The following ALK variants were observed in gnomAD, a reference collection of about 807,000 sequenced individuals.
ALK encodes ALK receptor tyrosine kinase, also known as ALK tyrosine kinase receptor.
Under a neutral mutation model 163.1 loss-of-function variants are expected in ALK, and 74 were observed. The observed-to-expected ratio is 0.45, with a 90% CI of 0.38 to 0.55. The LOEUF is 0.55. ALK is among the 20% of genes least tolerant of loss of function. The pLI, the probability that ALK is intolerant of heterozygous loss-of-function variation, is 0.00. For synonymous variants in ALK, 960 were observed against 843.2 expected (o/e 1.14, Z -2.40); for missense variants, 2,063 against 2,105.3 (o/e 0.98, Z 0.39).
chr2:29,844,301 G>A (rs373865724), intron 1 of ALK, among the ~76,000 whole-genome samples: 1 of 152,168 alleles, frequency 6.6e-6, no homozygotes, highest in African/African-American at 2.4e-5. Flanking sequence ...AGCAGATGGG[G>A]GCAGAGAGAA....
rs35306598 is a variant in ALK, at chr2:29,494,843, CGTGTGTGTGTGT to C, written c.1154+37060_1154+37071del. 3.2e-3 allele frequency among the ~76,000 whole-genome samples: 467 copies of C among 147,320 alleles called. 4 individuals carry two copies. Among genetic ancestry groups the C allele is most frequent in the African/African-American group, 9.9e-3 (393 of 39,780 alleles). The stretch of plus-strand genomic sequence containing the variant: ...AGAAGCTCAAAGCTCTTTAGAGACT[CGTGTGTGTGTGT>C]GTGTGTGTGTGTGTGTGTGTGCATG... On this transcript the variant is annotated intron_variant, in intron 4 of 28. Coordinates refer to ENST00000389048, the MANE Select transcript of ALK (RefSeq NM_004304.5).
chr2:29,848,575 G>A (rs1415606598), intron 1 of ALK, among the ~76,000 whole-genome samples: 1 of 152,090 alleles, frequency 6.6e-6, no homozygotes, highest in Non-Finnish European at 1.5e-5. Flanking sequence ...AAATGTTAAT[G>A]AATTTGTGTA....
chr2:29,295,515 G>T (rs1371934207), intron 9 of ALK, among the ~76,000 whole-genome samples: 1 of 152,080 alleles, frequency 6.6e-6, no homozygotes, highest in African/African-American at 2.4e-5. Context: ...TTTGTCCTGG[G>T]GTCACTGATC....
chr2:29,566,092 A>C lies in ALK; in HGVS notation c.953-33976T>G, dbSNP rs1573461043. Among the ~76,000 whole-genome samples the C allele has an allele frequency of 3.3e-5, 5 of 152,196 alleles. No homozygotes were observed. In the South Asian group the frequency reaches 1.0e-3, roughly 31 times the overall value. On this transcript the variant is annotated intron_variant, in intron 3 of 28. Coordinates refer to ENST00000389048, the MANE Select transcript of ALK (RefSeq NM_004304.5). The stretch of plus-strand genomic sequence containing the variant: ...AACTTACAGGGACAAAAGCCGGGAC[A>C]GGATGCCATGTGAAGTTTGGAGCCA...
intron 8 of ALK, 41 bp downstream of exon 8, chr2:29,318,262 TG>T: frequency 6.6e-7 from 1 of 1,504,002 alleles, no homozygotes; most frequent in Non-Finnish European, 9.3e-7. Context: ...TGACAAGAGG[TG>T]GGAGGAGAAA....
chr2:29,324,312 G>A (rs530343470), intron 6 of ALK, among the ~76,000 whole-genome samples: 18 of 152,248 alleles, frequency 1.2e-4, no homozygotes, highest in East Asian at 7.7e-4. Context: ...TCCTTCCTGC[G>A]TGACAACTCT....
At chr2:29,612,377 T>C (rs558797961) in intron 3 of ALK, among the ~76,000 whole-genome samples, 2 of 152,274 alleles carry the variant, frequency 1.3e-5, no homozygotes, top group South Asian at 4.2e-4. Flanking sequence ...TAGGTTGCAT[T>C]TTACTCTGCT....
intron 1 of ALK, among the ~76,000 whole-genome samples, chr2:29,875,028 T>C (rs1272706688): frequency 1.3e-5 from 2 of 152,166 alleles, no homozygotes; most frequent in African/African-American, 4.8e-5. Context: ...AGGTACACAC[T>C]CAAAAGAATT....
chr2:29,920,059 C>T lies in ALK; in HGVS notation c.601G>A (p.Glu201Lys). Residue 201 changes from glutamate to lysine, a missense_variant, in exon 1 of 29, where the codon GAG (glutamate) becomes AAG (lysine). By Grantham distance (56) the Glu-to-Lys change is moderately conservative. Coordinates refer to ENST00000389048, the MANE Select transcript of ALK (RefSeq NM_004304.5). ...CGAATTGCCGCGGACAGCCTTCCCT[C>T]TCTGCCCACTTCCGACGCCTTCTTC... ...PEKKASEVGR[E>K]GRLSAAIRAS... The T allele has an allele frequency of 1.2e-6, 2 of 1,614,232 alleles. No individual in the cohort carries two copies. Among genetic ancestry groups the T allele is most frequent in the Non-Finnish European group, 1.7e-6 (2 of 1,180,054 alleles).
intron 3 of ALK, among the ~76,000 whole-genome samples, chr2:29,588,972 G>A (rs1373309754): frequency 2.0e-5 from 3 of 152,052 alleles, no homozygotes; most frequent in Non-Finnish European, 2.9e-5. Context: ...GCTCCCCTCC[G>A]GGGGCTGGTT....
chr2:29,917,763 T>C (rs919688673), intron 1 of ALK, among the ~76,000 whole-genome samples: 4 of 152,236 alleles, frequency 2.6e-5, no homozygotes, highest in East Asian at 3.8e-4. Context: ...CTGGAGGTCA[T>C]GGGGAGCTCA....
intron 5 of ALK, among the ~76,000 whole-genome samples, chr2:29,330,404 T>A (rs1667403647): frequency 6.6e-6 from 1 of 152,122 alleles, no homozygotes; most frequent in South Asian, 2.1e-4. Context: ...CCACCTCCAT[T>A]TGGGGAGCTG....
chr2:29,396,232 G>T (rs908398871), intron 4 of ALK, among the ~76,000 whole-genome samples: 1 of 152,126 alleles, frequency 6.6e-6, no homozygotes, highest in Non-Finnish European at 1.5e-5. Flanking sequence ...GCTGTTGCAG[G>T]CTTGATAGAT....
chr2:29,729,092 G>C (rs2148316021), intron 1 of ALK, among the ~76,000 whole-genome samples: 1 of 152,304 alleles, frequency 6.6e-6, no homozygotes, highest in East Asian at 1.9e-4. Flanking sequence ...CTGCAGGGAA[G>C]AGGCCTGGAA....
At chr2:29,464,414 G>A (rs1304061865) in intron 4 of ALK, among the ~76,000 whole-genome samples, 1 of 152,130 alleles carries the variant, frequency 6.6e-6, no homozygotes, top group African/African-American at 2.4e-5. Flanking sequence ...CTCCTGTTGA[G>A]TCATGAAAAC....
At chr2:29,891,346 G>C (rs1455829162) in intron 1 of ALK, among the ~76,000 whole-genome samples, 1 of 152,110 alleles carries the variant, frequency 6.6e-6, no homozygotes, top group East Asian at 1.9e-4. Flanking sequence ...GAAACTCCAG[G>C]GTACAGGAGA....
In ALK at chr2:29,218,780, G is replaced by A. The variant is rs560801586; in HGVS notation, c.3645+1926C>T. The stretch of plus-strand genomic sequence containing the variant: ...GCCTCTTCCCAAAGTGTGATGCCAC[G>A]TGTCCCCCACTGACAGCAGTGCTGC... On this transcript the variant is annotated intron_variant, in intron 23 of 28. Coordinates refer to ENST00000389048, the MANE Select transcript of ALK (RefSeq NM_004304.5). Among the ~76,000 whole-genome samples the A allele has an allele frequency of 8.5e-5, 13 of 152,368 alleles. No homozygotes were observed. In the East Asian group the frequency reaches 9.6e-4, roughly 11 times the overall value.
At chr2:29,273,506 G>A (rs994484292) in intron 11 of ALK, among the ~76,000 whole-genome samples, 11 of 152,228 alleles carry the variant, frequency 7.2e-5, no homozygotes, top group Non-Finnish European at 2.9e-5. Flanking sequence ...CCCTTACTGA[G>A]TAACCTTTTA....
chr2:29,750,298 A>G (rs895885798), intron 1 of ALK, among the ~76,000 whole-genome samples: 1 of 152,204 alleles, frequency 6.6e-6, no homozygotes, highest in Admixed American at 6.5e-5. Flanking sequence ...ACAGTACAGC[A>G]TGTTACTGTA....
Sources: gnomAD v4.1 joint callset for allele counts (sites outside exome capture counted in the v4.1 genomes callset) on GRCh38, gnomAD v4.1.1 for gene constraint, MANE v1.5 for transcripts, NCBI Gene and HGNC (gene_info 2026-07-23, HGNC 2026-07-21) for gene names.